KATNIP: variants seen among roughly 807,000 people sequenced by gnomAD.
KATNIP encodes katanin-interacting protein.
Under a neutral mutation model 174.0 loss-of-function variants are expected in KATNIP, and 126 were observed. The observed-to-expected ratio is 0.72, with a 90% CI of 0.63 to 0.84. The LOEUF (loss-of-function observed/expected upper bound fraction) is 0.84. KATNIP is among the 40% of genes least tolerant of loss of function. KATNIP has a pLI of 0.00. For synonymous variants in KATNIP, 810 were observed against 835.7 expected (o/e 0.97, Z 0.53); for missense variants, 1,958 against 2,109.7 (o/e 0.93, Z 1.41).
At position 27,770,023 on chromosome 16, in the gene KATNIP, G is replaced by T. The variant is rs369974161; in HGVS notation, c.4133+5G>T. 4 of 1,611,100 alleles carry T rather than the reference G, an allele frequency of 2.5e-6. No homozygotes were observed. The African/African-American group carries it at 5.3e-5, about 22-fold the overall frequency. ...GCTGCCCCAGCCGGCCAGGAGGTGA[G>T]GAGAAAGTGGGCGCCACACACAGCC... is the stretch of plus-strand genomic sequence containing the variant. On this transcript the variant is annotated splice_donor_5th_base_variant and intron_variant, in intron 21 of 27. Transcript: ENST00000261588.
chr16:27,696,873 TG>T (rs2078930512), intron 8 of KATNIP, among the ~76,000 whole-genome samples: 2 of 151,846 alleles, frequency 1.3e-5, no homozygotes, highest in Non-Finnish European at 2.9e-5. Context: ...GGATTACAGG[TG>T]CCTGCCACTA....
At chr16:27,666,782 T>C (rs2077702869) in intron 6 of KATNIP, among the ~76,000 whole-genome samples, 1 of 152,204 alleles carries the variant, frequency 6.6e-6, no homozygotes, top group Admixed American at 6.5e-5. Flanking sequence ...ATCCCAGTAC[T>C]TTGGGATGCC....
At chr16:27,710,885 A>G (rs2079544869) in intron 13 of KATNIP, among the ~76,000 whole-genome samples, 1 of 152,180 alleles carries the variant, frequency 6.6e-6, no homozygotes, top group African/African-American at 2.4e-5. Flanking sequence ...AAGAGGAAAC[A>G]AGAAAAGGGG....
chr16:27,665,949 G>A (rs2077667523), intron 6 of KATNIP, among the ~76,000 whole-genome samples: 1 of 152,088 alleles, frequency 6.6e-6, no homozygotes, highest in Non-Finnish European at 1.5e-5. Flanking sequence ...AGTTCTTTAT[G>A]GATGTGATCT....
intron 1 of KATNIP, among the ~76,000 whole-genome samples, chr16:27,553,824 G>C (rs1300280513): frequency 6.6e-6 from 1 of 151,928 alleles, no homozygotes; most frequent in East Asian, 1.9e-4. Context: ...TAAAAAATTA[G>C]ACAGGTATAG....
At chr16:27,611,993 G>T (rs180731774) in intron 2 of KATNIP, among the ~76,000 whole-genome samples, 3 of 152,134 alleles carry the variant, frequency 2.0e-5, no homozygotes, top group African/African-American at 7.2e-5. Flanking sequence ...GTCTGGGAGC[G>T]GAGGCTAGAG....
At chr16:27,654,196 G>A (rs1414682090) in intron 6 of KATNIP, among the ~76,000 whole-genome samples, 3 of 152,062 alleles carry the variant, frequency 2.0e-5, no homozygotes, top group Non-Finnish European at 4.4e-5. Context: ...GGCTAGTCTC[G>A]AACTCCTGAC....
chr16:27,572,045 C>T (rs1184684269), intron 1 of KATNIP, among the ~76,000 whole-genome samples: 2 of 151,608 alleles, frequency 1.3e-5, no homozygotes, highest in East Asian at 1.9e-4. Context: ...GTTTTTAGAG[C>T]GTTCAGCAAA....
At chr16:27,652,365 C>A (rs900782158) in intron 6 of KATNIP, among the ~76,000 whole-genome samples, 1 of 152,088 alleles carries the variant, frequency 6.6e-6, no homozygotes, top group Admixed American at 6.6e-5. Flanking sequence ...ACGGGATTCT[C>A]CTTAAGTTTG....
At chr16:27,684,580 T>C (rs2078457750) in intron 8 of KATNIP, among the ~76,000 whole-genome samples, 1 of 152,230 alleles carries the variant, frequency 6.6e-6, no homozygotes, top group African/African-American at 2.4e-5. Context: ...AGGGCAGCCA[T>C]AACGAAGTAC....
intron 2 of KATNIP, among the ~76,000 whole-genome samples, chr16:27,598,776 G>C (rs905970214): frequency 3.9e-5 from 6 of 152,196 alleles, no homozygotes; most frequent in Non-Finnish European, 7.3e-5. Context: ...TATACATGCA[G>C]GGGTTTATTG....
At chr16:27,595,692 G>A (rs77047685) in intron 2 of KATNIP, among the ~76,000 whole-genome samples, 318 of 152,302 alleles carry the variant, frequency 2.1e-3, no homozygotes, top group African/African-American at 7.4e-3. Context: ...GAGCTTATGT[G>A]CCAGCGGCTG....
chr16:27,721,297 G>C (rs377041179), intron 13 of KATNIP, among the ~76,000 whole-genome samples: 1 of 152,050 alleles, frequency 6.6e-6, no homozygotes, highest in South Asian at 2.1e-4. Flanking sequence ...TTTAAATTCC[G>C]TCTGGTTGGC....
At chr16:27,658,500 A>C (rs1303823900) in intron 6 of KATNIP, among the ~76,000 whole-genome samples, 2 of 152,222 alleles carry the variant, frequency 1.3e-5, no homozygotes, top group Non-Finnish European at 1.5e-5. Flanking sequence ...ATATTTTAAA[A>C]AATCAAAATT....
intron 15 of KATNIP, among the ~76,000 whole-genome samples, chr16:27,742,564 C>T (rs530781258): frequency 1.8e-4 from 27 of 152,200 alleles, no homozygotes; most frequent in South Asian, 4.1e-4. Flanking sequence ...TGCCTGGGCA[C>T]GTATCCTGGC....
chr16:27,626,466 C>T (rs960486877), intron 3 of KATNIP, among the ~76,000 whole-genome samples: 2 of 152,146 alleles, frequency 1.3e-5, no homozygotes, highest in Admixed American at 6.5e-5. Flanking sequence ...GAATTACCAG[C>T]GATGTCTAAG....
chr16:27,644,387 C>T (rs538829437), intron 5 of KATNIP: 1 of 152,308 alleles, frequency 6.6e-6, no homozygotes, highest in African/African-American at 2.4e-5. Context: ...ATAATAACAG[C>T]CCTCGTGGGC....
intron 8 of KATNIP, among the ~76,000 whole-genome samples, chr16:27,686,247 G>A (rs1209618536): frequency 6.6e-6 from 1 of 152,176 alleles, no homozygotes; most frequent in Non-Finnish European, 1.5e-5. Context: ...GCTTTACTCT[G>A]TATCTGGGGT....
intron 6 of KATNIP, among the ~76,000 whole-genome samples, chr16:27,672,868 C>A (rs549376832): frequency 6.6e-6 from 1 of 152,312 alleles, no homozygotes; most frequent in Non-Finnish European, 1.5e-5. Flanking sequence ...GTTCAAGGGT[C>A]CTAATGCCTC....
Sources: allele counts gnomAD v4.1 joint callset (sites outside exome capture counted in the v4.1 genomes callset), GRCh38; gene constraint gnomAD v4.1.1; transcripts MANE v1.5; gene names NCBI Gene and HGNC (gene_info 2026-07-23, HGNC 2026-07-21).